The following ELL2 variants were observed in gnomAD, a reference collection of about 807,000 sequenced individuals.
ELL2 encodes the protein elongation factor for RNA polymerase II 2.
Under a neutral mutation model 72.8 loss-of-function variants are expected in ELL2, and 21 were observed. That is an observed-to-expected ratio of 0.29 (90% CI 0.20 to 0.42). The LOEUF (loss-of-function observed/expected upper bound fraction) is 0.42, where lower values mean the gene tolerates loss of function less well. Among genes scored for constraint, ELL2 ranks in the 10% least tolerant of loss-of-function variants. ELL2 has a pLI of 1.00. For synonymous variants in ELL2, 266 were observed against 283.2 expected (o/e 0.94, Z 0.61); for missense variants, 568 against 772.8 (o/e 0.73, Z 3.14).
chr5:95,944,152 T>C (rs1165856131), intron 1 of ELL2, among the ~76,000 whole-genome samples: 1 of 152,114 alleles, frequency 6.6e-6, no homozygotes, highest in African/African-American at 2.4e-5. Context: ...AAAACTTCTC[T>C]GCAGACTTAA....
At chr5:95,958,356 T>G (rs1751694113) in intron 1 of ELL2, among the ~76,000 whole-genome samples, 1 of 152,216 alleles carries the variant, frequency 6.6e-6, no homozygotes, top group Non-Finnish European at 1.5e-5. Context: ...CTCAGCCAGA[T>G]GCCTACTGCT....
In ELL2 at chr5:95,898,759, G is replaced by T. The variant is rs1207318459; in HGVS notation, c.1006C>A (p.Arg336=). Residue 336 remains arginine, a synonymous_variant, in exon 8 of 12, where the codon CGA becomes AGA. Transcript: ENST00000237853. The part of the protein sequence containing the change: ...FIDPLMNKKA[R]ISHLTNRVPP... ...ACTCTGTTCGTCAGGTGAGATATTC[G>T]GGCTTTTTTATTCATTAAAGGATCA... 3 of 1,547,122 alleles carry T rather than the reference G, an allele frequency of 1.9e-6. No individual in the cohort carries two copies. The highest frequency in any genetic ancestry group is 2.6e-6 in the Non-Finnish European group (3 of 1,146,804).
chr5:95,953,856 C>T (rs920482037), intron 1 of ELL2, among the ~76,000 whole-genome samples: 6 of 152,122 alleles, frequency 3.9e-5, no homozygotes, highest in African/African-American at 9.7e-5. Flanking sequence ...GAGTTACTTA[C>T]GTTTCATTAA....
intron 1 of ELL2, among the ~76,000 whole-genome samples, chr5:95,960,718 C>T (rs1332207380): frequency 6.6e-6 from 1 of 152,100 alleles, no homozygotes; most frequent in East Asian, 1.9e-4. Flanking sequence ...CTCTCCAGAA[C>T]CCGATGTCTT....
chr5:95,956,615 A>G (rs567311353), intron 1 of ELL2, among the ~76,000 whole-genome samples: 17 of 152,320 alleles, frequency 1.1e-4, no homozygotes, highest in African/African-American at 4.1e-4. Context: ...CAGGCAAAAA[A>G]AGAAAGAGAA....
At chr5:95,941,024 C>T (rs1750949504) in intron 2 of ELL2, among the ~76,000 whole-genome samples, 1 of 151,904 alleles carries the variant, frequency 6.6e-6, no homozygotes, top group African/African-American at 2.4e-5. Context: ...AATGCTGAGT[C>T]CATATATTTT....
chr5:95,915,659 AGGTAATCTCACCT>A (rs1173675144), intron 3 of ELL2, among the ~76,000 whole-genome samples: 7 of 152,222 alleles, frequency 4.6e-5, no homozygotes, highest in African/African-American at 1.7e-4. Flanking sequence ...ACTCCCAGAA[AGGTAATCTCACCT>A]GGACTTCCCA....
chr5:95,897,177 C>T (rs1179609727), intron 8 of ELL2, among the ~76,000 whole-genome samples: 1 of 152,182 alleles, frequency 6.6e-6, no homozygotes, highest in African/African-American at 2.4e-5. Context: ...GGAAGTAACA[C>T]TAAAAGAAAA....
chr5:95,959,727 A>G (rs890785171), intron 1 of ELL2, among the ~76,000 whole-genome samples: 1 of 152,030 alleles, frequency 6.6e-6, no homozygotes, highest in Non-Finnish European at 1.5e-5. Context: ...CTCCCTGTGC[A>G]TGCACTCCTC....
At chr5:95,899,453 A>ATT (rs5869699) in intron 7 of ELL2, among the ~76,000 whole-genome samples, 221 of 149,684 alleles carry the variant, frequency 1.5e-3, no homozygotes, top group African/African-American at 3.3e-3. Flanking sequence ...ATGCTATTTA[A>ATT]TTTTTTTTTT....
At chr5:95,890,963 T>C (rs1169492620) in intron 10 of ELL2, 140 bp downstream of exon 10, 3 of 935,090 alleles carry the variant, frequency 3.2e-6, no homozygotes, top group Non-Finnish European at 5.1e-6. Flanking sequence ...TTCAAATATT[T>C]AGTTTCCTAA....
intron 2 of ELL2, among the ~76,000 whole-genome samples, chr5:95,922,456 G>A (rs988802577): frequency 3.3e-5 from 5 of 152,210 alleles, no homozygotes; most frequent in Admixed American, 2.6e-4. Context: ...CAAATGTGCA[G>A]TGTTCTTTTA....
chr5:95,885,511 A>G lies in ELL2; in HGVS notation c.*3360T>C, dbSNP rs961603098. 1 of 152,194 alleles carries G rather than the reference A, an allele frequency of 6.6e-6. No homozygotes were observed. The highest frequency in any genetic ancestry group is 1.5e-5 in the Non-Finnish European group (1 of 68,034). 9.4% of individuals were successfully genotyped at this position (152,194 alleles called of 1,614,324 possible). ...TAAAGGCATATACCAAGCATACGTG[A>G]CTCCACACATTGTCAGAAAGGCAGT... On this transcript the variant is annotated 3_prime_UTR_variant, in exon 12 of 12. Coordinates refer to ENST00000237853, the MANE Select transcript of ELL2 (RefSeq NM_012081.6).
chr5:95,956,525 T>C (rs111396724), intron 1 of ELL2, among the ~76,000 whole-genome samples: 2,016 of 152,302 alleles, frequency 0.013, 43 homozygotes, highest in African/African-American at 0.045. Context: ...TGCTGGCAGG[T>C]CTGGATGCTC....
chr5:95,931,562 CT>C (rs1414785282), intron 2 of ELL2, among the ~76,000 whole-genome samples: 3 of 152,012 alleles, frequency 2.0e-5, no homozygotes, highest in Non-Finnish European at 2.9e-5. Flanking sequence ...TACAAGTCTT[CT>C]GGGTCAAAGC....
intron 2 of ELL2, among the ~76,000 whole-genome samples, chr5:95,920,277 A>ATT (rs372798038): frequency 7.4e-6 from 1 of 135,240 alleles, no homozygotes; most frequent in Admixed American, 7.5e-5. Context: ...TAAATTTTTA[A>ATT]TATTTATTTA....
intron 10 of ELL2, among the ~76,000 whole-genome samples, chr5:95,889,588 A>G (rs1748583741): frequency 6.6e-6 from 1 of 152,196 alleles, no homozygotes; most frequent in South Asian, 2.1e-4. Flanking sequence ...AAAGAGAAAA[A>G]CACAATAGTA....
chr5:95,957,832 G>C (rs990685981), intron 1 of ELL2, among the ~76,000 whole-genome samples: 1 of 152,054 alleles, frequency 6.6e-6, no homozygotes, highest in Admixed American at 6.5e-5. Flanking sequence ...CCCTTAGAAC[G>C]CTGTAAATTT....
Position 95,942,996 on chromosome 5 carries a change from A to C in ELL2, c.195+6T>G. The stretch of plus-strand genomic sequence containing the variant: ...ATTTGTTTGTTAAATCAATAAGAGT[A>C]CTCACCCCGTGGAGTCCTTGGAACT... On this transcript the variant is annotated splice_donor_region_variant and intron_variant, in intron 2 of 11. Transcript: ENST00000237853. 1 of 1,582,198 alleles carries C rather than the reference A, an allele frequency of 6.3e-7. No individual in the cohort carries two copies. The highest frequency in any genetic ancestry group is 8.6e-7 in the Non-Finnish European group (1 of 1,164,158).
Sources: gnomAD v4.1 joint callset for allele counts (sites outside exome capture counted in the v4.1 genomes callset) on GRCh38, gnomAD v4.1.1 for gene constraint, MANE v1.5 for transcripts, NCBI Gene and HGNC (gene_info 2026-07-23, HGNC 2026-07-21) for gene names.